STXBP6: variants seen among roughly 807,000 people sequenced by gnomAD.
The protein encoded by STXBP6 is syntaxin binding protein 6.
A neutral mutation model predicts 26.9 loss-of-function variants in STXBP6; 21 were observed. That is an observed-to-expected ratio of 0.78 (90% confidence interval 0.55 to 1.12). The LOEUF (loss-of-function observed/expected upper bound fraction) is 1.12. Ranked by LOEUF, STXBP6 falls within the 50% of genes most tolerant of loss-of-function variation. The probability of loss-of-function intolerance (pLI) is 0.00; values close to 1 mark genes in which losing one functional copy is unlikely to be tolerated. For synonymous variants in STXBP6, 97 were observed against 92.6 expected (o/e 1.05, Z -0.27); for missense variants, 232 against 257.9 (o/e 0.90, Z 0.69).
chr14:25,024,076 G>A (rs537560375), intron 1 of STXBP6, among the ~76,000 whole-genome samples: 41 of 152,226 alleles, frequency 2.7e-4, no homozygotes, highest in African/African-American at 8.4e-4. Flanking sequence ...TTGGGAGGCC[G>A]AGGTGGGCAG....
chr14:24,976,852 C>CTTTTTTTTTTTTTTTTTTTTTTTTTT (rs71121808), intron 1 of STXBP6, among the ~76,000 whole-genome samples: 2 of 45,276 alleles, frequency 4.4e-5, no homozygotes, highest in African/African-American at 2.2e-4. Context: ...ACTGGGCGCT[C>CTTTTTTTTTTTTTTTTTTTTTTTTTT]TTTTTTTTTT....
chr14:24,904,387 A>T (rs2071316905), intron 2 of STXBP6, among the ~76,000 whole-genome samples: 1 of 152,218 alleles, frequency 6.6e-6, no homozygotes, highest in South Asian at 2.1e-4. Context: ...TGCCATTAAA[A>T]GTAACGGGTA....
chr14:24,869,781 T>G (rs1208123399), intron 2 of STXBP6, among the ~76,000 whole-genome samples: 2 of 152,214 alleles, frequency 1.3e-5, no homozygotes, highest in African/African-American at 4.8e-5. Flanking sequence ...GAGATTATTC[T>G]GATAAAGCCA....
intron 2 of STXBP6, among the ~76,000 whole-genome samples, chr14:24,949,214 AAT>A (rs1463236716): frequency 1.3e-5 from 2 of 152,184 alleles, no homozygotes; most frequent in Non-Finnish European, 2.9e-5. Context: ...TTTAACATCT[AAT>A]ATCTTTTATT....
chr14:24,961,372 G>C (rs2073530802), intron 2 of STXBP6, among the ~76,000 whole-genome samples: 1 of 150,904 alleles, frequency 6.6e-6, no homozygotes, highest in Admixed American at 6.6e-5. Flanking sequence ...TGTGGCACAA[G>C]TTTACCTATA....
intron 1 of STXBP6, among the ~76,000 whole-genome samples, chr14:25,045,396 C>A (rs532225540): frequency 6.6e-6 from 1 of 151,928 alleles, no homozygotes; most frequent in South Asian, 2.1e-4. Flanking sequence ...AGCACTTTAC[C>A]CAACATATTC....
chr14:24,862,989 G>A (rs751388577), intron 2 of STXBP6, among the ~76,000 whole-genome samples: 19 of 152,168 alleles, frequency 1.2e-4, no homozygotes, highest in Non-Finnish European at 2.1e-4. Flanking sequence ...ACATGAGATC[G>A]ATCTAGTTAG....
chr14:24,995,253 T>C (rs529846788), intron 1 of STXBP6, among the ~76,000 whole-genome samples: 172 of 152,202 alleles, frequency 1.1e-3, no homozygotes, highest in African/African-American at 3.9e-3. Context: ...AATAATCACA[T>C]TCACAAGAAA....
At chr14:24,863,997 G>T (rs762812555) in intron 2 of STXBP6, among the ~76,000 whole-genome samples, 2 of 152,116 alleles carry the variant, frequency 1.3e-5, no homozygotes, top group Non-Finnish European at 2.9e-5. Context: ...TGTGACAACG[G>T]ATGGTTTCTG....
intron 1 of STXBP6, among the ~76,000 whole-genome samples, chr14:25,008,446 T>C (rs1354630584): frequency 2.0e-5 from 3 of 152,166 alleles, no homozygotes; most frequent in Non-Finnish European, 4.4e-5. Context: ...AGCACACCAC[T>C]GCACTCCAGC....
chr14:24,823,994 T>C (rs1219848606), intron 4 of STXBP6, among the ~76,000 whole-genome samples: 1 of 152,178 alleles, frequency 6.6e-6, no homozygotes, highest in Non-Finnish European at 1.5e-5. Context: ...TACTGAGTTA[T>C]TTTTCTTAGC....
At chr14:24,822,598 T>C (rs1214583166) in intron 4 of STXBP6, among the ~76,000 whole-genome samples, 8 of 152,180 alleles carry the variant, frequency 5.3e-5, no homozygotes, top group Non-Finnish European at 1.0e-4. Context: ...GGTTGTGCCA[T>C]TTACCTCACG....
At chr14:24,999,375 G>C (rs1455448118) in intron 1 of STXBP6, among the ~76,000 whole-genome samples, 1 of 152,172 alleles carries the variant, frequency 6.6e-6, no homozygotes, top group Admixed American at 6.5e-5. Context: ...GCAAGTAAGA[G>C]AAGCATGGAG....
chr14:24,933,468 G>A (rs2072494163), intron 2 of STXBP6, among the ~76,000 whole-genome samples: 1 of 152,218 alleles, frequency 6.6e-6, no homozygotes, highest in African/African-American at 2.4e-5. Flanking sequence ...GAGACAGCAA[G>A]GAGACAGAAG....
chr14:24,928,551 T>A (rs749257886), intron 2 of STXBP6, among the ~76,000 whole-genome samples: 1 of 152,210 alleles, frequency 6.6e-6, no homozygotes, highest in African/African-American at 2.4e-5. Context: ...CAAATTAGAA[T>A]TGGATAACCT....
intron 1 of STXBP6, among the ~76,000 whole-genome samples, chr14:24,993,147 AC>A (rs2140295852): frequency 6.6e-6 from 1 of 152,248 alleles, no homozygotes; most frequent in African/African-American, 2.4e-5. Context: ...CAGGCTGAAA[AC>A]ACATCACATC....
At chr14:25,024,502 C>A (rs1420327593) in intron 1 of STXBP6, among the ~76,000 whole-genome samples, 1 of 152,040 alleles carries the variant, frequency 6.6e-6, no homozygotes, top group East Asian at 1.9e-4. Flanking sequence ...ATTTGTTTTT[C>A]CACCAGTCCA....
chr14:24,881,872 A>G (rs940336127), intron 2 of STXBP6, among the ~76,000 whole-genome samples: 2 of 152,210 alleles, frequency 1.3e-5, no homozygotes, highest in African/African-American at 4.8e-5. Flanking sequence ...GGATGGATTT[A>G]CGAATATCTC....
chr14:25,009,875 C>T (rs2140372452), intron 1 of STXBP6, among the ~76,000 whole-genome samples: 1 of 152,338 alleles, frequency 6.6e-6, no homozygotes, highest in African/African-American at 2.4e-5. Flanking sequence ...GAGTGAGTGG[C>T]ACTCTCCAGG....
Sources: allele counts gnomAD v4.1 joint callset (sites outside exome capture counted in the v4.1 genomes callset), GRCh38; gene constraint gnomAD v4.1.1; transcripts MANE v1.5; gene names NCBI Gene and HGNC (gene_info 2026-07-23, HGNC 2026-07-21).